Variants in RGS6 observed in about 807,000 individuals in gnomAD.
RGS6 encodes the protein regulator of G-protein signaling 6.
In RGS6, 30 loss-of-function variants were observed where a neutral mutation model predicts 78.5. The observed-to-expected ratio is 0.38, with a 90% confidence interval of 0.29 to 0.52. The LOEUF is 0.52. RGS6 is among the 20% of genes least tolerant of loss of function. The probability of loss-of-function intolerance (pLI) is 0.85; values close to 1 mark genes in which losing one functional copy is unlikely to be tolerated. For synonymous variants in RGS6, 206 were observed against 206.0 expected (o/e 1.00, Z 0.00); for missense variants, 495 against 609.7 (o/e 0.81, Z 1.98).
intron 2 of RGS6, among the ~76,000 whole-genome samples, chr14:72,281,777 G>A (rs2152246149): frequency 6.6e-6 from 1 of 152,290 alleles, no homozygotes; most frequent in South Asian, 2.1e-4. Flanking sequence ...ACAAAATGAA[G>A]ATCAGAGTGG....
intron 6 of RGS6, 25 bp from the exon 7 acceptor site, chr14:72,465,733 G>C: frequency 1.3e-6 from 2 of 1,587,098 alleles, no homozygotes; most frequent in South Asian, 2.2e-5. Context: ...TTTTGTACAT[G>C]TTGTCATTTC....
In RGS6 at chr14:72,034,066, A is replaced by G. The variant is rs147256784; in HGVS notation, c.84+69191A>G. ...CATTTATAGTATATCTTCTTTACAT[A>G]GATGTCTCTATTCTTCAAGTCCTTT... On this transcript the variant is annotated intron_variant, in intron 2 of 17. Coordinates refer to ENST00000553525, the MANE Select transcript of RGS6 (RefSeq NM_001204424.2). Among the ~76,000 whole-genome samples the G allele has an allele frequency of 5.1e-3, 777 of 152,304 alleles. 3 individuals carry two copies. Among genetic ancestry groups the G allele is most frequent in the African/African-American group, 0.016 (677 of 41,584 alleles).
rs535792662 is a variant in RGS6 at position 72,151,036 on chromosome 14, G to C, written c.84+186161G>C. The stretch of plus-strand genomic sequence containing the variant: ...TGAGACACATATTAGCCTGAGACAG[G>C]AGCTAAGGAGAGTGAGTGGTGGGCT... On this transcript the variant is annotated intron_variant, in intron 2 of 17. Transcript: ENST00000553525. 9.8e-5 allele frequency among the ~76,000 whole-genome samples: 15 copies of C among 152,306 alleles called. 1 individual carries two copies. In the South Asian group the frequency reaches 3.1e-3, roughly 32 times the overall value.
chr14:72,127,774 A>G (rs1454695504), intron 2 of RGS6, among the ~76,000 whole-genome samples: 2 of 152,200 alleles, frequency 1.3e-5, no homozygotes, highest in South Asian at 2.1e-4. Flanking sequence ...GTTAAGATAC[A>G]GGACAGTTCC....
chr14:72,520,050 TCTTG>T (rs2097013121), intron 15 of RGS6, among the ~76,000 whole-genome samples: 4 of 152,238 alleles, frequency 2.6e-5, no homozygotes, highest in Admixed American at 2.6e-4. Context: ...ACACGTCTGA[TCTTG>T]CTTTATCTCT....
chr14:72,334,209 A>G (rs542495982), intron 2 of RGS6, among the ~76,000 whole-genome samples: 1 of 152,242 alleles, frequency 6.6e-6, no homozygotes, highest in Non-Finnish European at 1.5e-5. Context: ...CCTTCCCCAT[A>G]AGGCTCAGTG....
At chr14:71,927,328 C>T in the RGS6 span, among the ~76,000 whole-genome samples, 1 of 152,188 alleles carries the variant, frequency 6.6e-6, no homozygotes, top group Non-Finnish European at 1.5e-5. Context: ...TAAAACATAA[C>T]TATTCCAGCA....
At chr14:71,893,848 T>C in the RGS6 span, among the ~76,000 whole-genome samples, 3 of 152,246 alleles carry the variant, frequency 2.0e-5, no homozygotes, top group South Asian at 6.2e-4. Context: ...TTGGCTGAAA[T>C]TGGCTTAAGG....
At chr14:72,286,616 G>A (rs918436121) in intron 2 of RGS6, among the ~76,000 whole-genome samples, 1 of 151,790 alleles carries the variant, frequency 6.6e-6, no homozygotes, top group East Asian at 1.9e-4. Context: ...AGATATTTTA[G>A]CAATATTGTC....
chr14:72,051,392 A>G lies in RGS6; in HGVS notation c.84+86517A>G, dbSNP rs190001747. Among the ~76,000 whole-genome samples, 24 of 152,304 alleles carry G rather than the reference A, an allele frequency of 1.6e-4. No individual in the cohort carries two copies. The East Asian group carries it at 3.7e-3, about 23-fold the overall frequency. ...GAATCCACCAAGAATTTATACAGCC[A>G]TGGTTCTTTACGTATGGAAAATTAG... On this transcript the variant is annotated intron_variant, in intron 2 of 17. Coordinates refer to ENST00000553525, the MANE Select transcript of RGS6 (RefSeq NM_001204424.2).
At chr14:72,626,767 G>A in the RGS6 span, among the ~76,000 whole-genome samples, 28 of 151,990 alleles carry the variant, frequency 1.8e-4, 1 homozygote, top group Admixed American at 1.8e-3. Flanking sequence ...TCCCTCCCCA[G>A]GGTTGTACTA....
chr14:72,195,562 T>C (rs1169813307), intron 2 of RGS6, among the ~76,000 whole-genome samples: 1 of 151,894 alleles, frequency 6.6e-6, no homozygotes, highest in Non-Finnish European at 1.5e-5. Flanking sequence ...GCAGAAGGAA[T>C]AGCCAGGAAA....
At chr14:72,265,950 C>T (rs1339458699) in intron 2 of RGS6, among the ~76,000 whole-genome samples, 2 of 101,666 alleles carry the variant, frequency 2.0e-5, no homozygotes, top group Non-Finnish European at 4.3e-5. Context: ...GGGGGGGGGG[C>T]GGGAGGCAGG....
At chr14:72,358,402 G>T (rs2080809283) in intron 3 of RGS6, among the ~76,000 whole-genome samples, 1 of 152,256 alleles carries the variant, frequency 6.6e-6, no homozygotes. Flanking sequence ...CTAAACACCA[G>T]CTGTGCAAGC....
chr14:72,333,212 C>A (rs2239248), intron 2 of RGS6, among the ~76,000 whole-genome samples: 92,121 of 152,080 alleles, frequency 0.61, 30,671 homozygotes, highest in African/African-American at 0.9. Context: ...AATGCTATTC[C>A]TGGCAAATGA....
At chr14:72,612,384 T>G in the RGS6 span, 7 of 490,436 alleles carry the variant, frequency 1.4e-5, no homozygotes, top group Non-Finnish European at 1.6e-5. Flanking sequence ...AGATAATCAT[T>G]CTATATTTTC....
At chr14:71,871,102 C>T in the RGS6 span, among the ~76,000 whole-genome samples, 1 of 152,328 alleles carries the variant, frequency 6.6e-6, no homozygotes, top group African/African-American at 2.4e-5. Context: ...GGTAGAGCTT[C>T]TGGCGCTGAG....
chr14:72,349,096 G>A (rs908296667), intron 2 of RGS6, among the ~76,000 whole-genome samples: 21 of 152,322 alleles, frequency 1.4e-4, no homozygotes, highest in Admixed American at 1.3e-3. Context: ...GAACCTGGGA[G>A]GTAGAGCTTG....
At position 72,041,836 on chromosome 14, in the gene RGS6, TCTTA is replaced by T. The variant is rs560728524; in HGVS notation, c.84+76966_84+76969del. Among the ~76,000 whole-genome samples the T allele has an allele frequency of 2.2e-3, 328 of 152,244 alleles. 7 individuals are homozygous for T. Among genetic ancestry groups the T allele is most frequent in the East Asian group, 2.9e-3 (15 of 5,178 alleles). On this transcript the variant is annotated intron_variant, in intron 2 of 17. Coordinates refer to ENST00000553525, the MANE Select transcript of RGS6 (RefSeq NM_001204424.2). ...AGATCTGGGGCATCCTATTTTGTAA[TCTTA>T]CTTATATCACCTCCCAGGAAGATCA...
Sources: allele counts gnomAD v4.1 joint callset (sites outside exome capture counted in the v4.1 genomes callset), GRCh38; gene constraint gnomAD v4.1.1; transcripts MANE v1.5; gene names NCBI Gene and HGNC (gene_info 2026-07-23, HGNC 2026-07-21).